Variants in NFKB1 observed in about 807,000 individuals in gnomAD.
NFKB1 encodes the protein nuclear factor kappa B subunit 1, also known as nuclear factor NF-kappa-B p105 subunit.
A neutral mutation model predicts 105.1 loss-of-function variants in NFKB1; 9 were observed. That is an observed-to-expected ratio of 0.09 (90% CI 0.05 to 0.15). The LOEUF is 0.15. Among genes scored for constraint, NFKB1 ranks in the 10% least tolerant of loss-of-function variants. The pLI is 1.00. For synonymous variants in NFKB1, 440 were observed against 442.2 expected, an observed-to-expected ratio of 1.00 and a Z score of 0.06; for missense variants, 830 against 1,203.7, an observed-to-expected ratio of 0.69 and a Z score of 4.59.
chr4:102,590,878 T>G (rs1299912862), intron 11 of NFKB1, among the ~76,000 whole-genome samples: 1 of 152,248 alleles, frequency 6.6e-6, no homozygotes, highest in Non-Finnish European at 1.5e-5. Context: ...AGCCCAAAGC[T>G]AGGCCTCTTG....
chr4:102,580,500 A>G (rs1335746761), intron 8 of NFKB1, 35 bp from the exon 9 acceptor site: 8 of 1,570,368 alleles, frequency 5.1e-6, no homozygotes, highest in Non-Finnish European at 6.1e-6. Context: ...GCTGAGGATT[A>G]ATCATGTTAT....
rs996370864 is a variant in NFKB1 at position 102,616,775 on chromosome 4, G to C, written c.*181G>C. The C allele has an allele frequency of 4.8e-6, 3 of 624,276 alleles. No homozygotes were observed. Among genetic ancestry groups the C allele is most frequent in the Non-Finnish European group, 8.0e-6 (3 of 373,012 alleles). 38.7% of individuals were successfully genotyped at this position (624,276 alleles called of 1,614,324 possible). A position where few individuals can be genotyped will look rare whatever the true frequency, so the allele number is the denominator to read the frequency against. ...TTTCTTGGTTCATAAATGAATTTTA[G>C]TTTGGTTCACTTACAGATAGTATCT... On this transcript the variant is annotated 3_prime_UTR_variant, in exon 24 of 24. Transcript: ENST00000226574.
intron 5 of NFKB1, among the ~76,000 whole-genome samples, chr4:102,565,326 G>T (rs1215341294): frequency 6.6e-6 from 1 of 152,088 alleles, no homozygotes; most frequent in African/African-American, 2.4e-5. Flanking sequence ...ATGCATACAG[G>T]CCTTGAGGTG....
At chr4:102,525,228 G>GC (rs1486798310) in intron 1 of NFKB1, among the ~76,000 whole-genome samples, 6 of 151,170 alleles carry the variant, frequency 4.0e-5, no homozygotes, top group Non-Finnish European at 8.9e-5. Flanking sequence ...TTTATACAAA[G>GC]CATAAAGATG....
intron 6 of NFKB1, among the ~76,000 whole-genome samples, chr4:102,569,339 G>C (rs78108185): frequency 0.027 from 4,051 of 152,182 alleles, 166 homozygotes; most frequent in African/African-American, 0.091. Context: ...TTTCACTACA[G>C]AATCTTATCT....
At chr4:102,554,875 G>A (rs1413083720) in intron 5 of NFKB1, among the ~76,000 whole-genome samples, 3 of 152,258 alleles carry the variant, frequency 2.0e-5, no homozygotes, top group South Asian at 4.1e-4. Context: ...TCTCAAGGTC[G>A]AATTCTATTA....
At chr4:102,562,525 G>A (rs890434036) in intron 5 of NFKB1, among the ~76,000 whole-genome samples, 7 of 152,172 alleles carry the variant, frequency 4.6e-5, no homozygotes, top group Admixed American at 4.6e-4. Context: ...GGTTATTAGT[G>A]AGGTATTACC....
In NFKB1 at chr4:102,616,634, A is replaced by G. The variant is rs1728968499; in HGVS notation, c.*40A>G. 6.2e-7 allele frequency: 1 copy of G among 1,600,958 alleles called. No individual in the cohort carries two copies. Among genetic ancestry groups the G allele is most frequent in the Non-Finnish European group, 8.5e-7 (1 of 1,171,818 alleles). The stretch of plus-strand genomic sequence containing the variant: ...CCCACACCGTGTAAACCAAAGCCCT[A>G]AAATTCCACTGCGTTGTCCACAAGA... On this transcript the variant is annotated 3_prime_UTR_variant, in exon 24 of 24. Transcript: ENST00000226574.
chr4:102,537,915 G>T lies in NFKB1; in HGVS notation c.217G>T (p.Ala73Ser), dbSNP rs2149127937. 3 of 1,612,602 alleles carry T rather than the reference G, an allele frequency of 1.9e-6. No individual in the cohort carries two copies. Among genetic ancestry groups the T allele is most frequent in the Non-Finnish European group, 2.5e-6 (3 of 1,178,844 alleles). Residue 73 changes from alanine (A) to serine (S), a missense_variant, in exon 5 of 24, where the codon GCC (alanine) becomes TCC (serine). Physicochemically the swap from Ala to Ser is moderately conservative, Grantham distance 99. Transcript: ENST00000226574. Reference sequence around the variant, plus strand: ...CCCATCCCATGGTGGACTACCTGGTGCCTCTAGTGAAAAGAACAAGAAGTC... The same window carrying T: ...CCCATCCCATGGTGGACTACCTGGTTCCTCTAGTGAAAAGAACAAGAAGTC... ...EGPSHGGLPGASSEKNKKSYP... is the reference protein window; with the variant it reads ...EGPSHGGLPGSSSEKNKKSYP...
At position 102,607,268 on chromosome 4, in the gene NFKB1, C is replaced by T. The variant is rs755344194; in HGVS notation, c.2073C>T (p.His691=). 5.0e-6 allele frequency: 8 copies of T among 1,614,214 alleles called. No homozygotes were observed. Among genetic ancestry groups the T allele is most frequent in the African/African-American group, 1.3e-5 (1 of 75,050 alleles). ...AGAAGTCCGGGCGCACAGCACTGCACCTGGCTGTGGAGCACGACAACATCT... is the reference window on the plus strand; with the variant it reads ...AGAAGTCCGGGCGCACAGCACTGCATCTGGCTGTGGAGCACGACAACATCT... ...QEQKSGRTAL[H]LAVEHDNISL... The change falls in exon 18 of 24, where the codon CAC becomes CAT. Residue 691 remains histidine (H), a synonymous_variant. Coordinates refer to ENST00000226574, the MANE Select transcript of NFKB1 (RefSeq NM_003998.4).
chr4:102,505,508 G>A (rs183674672), intron 1 of NFKB1, among the ~76,000 whole-genome samples: 7 of 152,094 alleles, frequency 4.6e-5, no homozygotes, highest in Admixed American at 1.3e-4. Flanking sequence ...ATTACAAATT[G>A]CCTTATTATT....
rs374468747 is a variant in NFKB1 at position 102,607,754 on chromosome 4, A to G, written c.2227+3A>G. On this transcript the variant is annotated splice_donor_region_variant and intron_variant, in intron 19 of 23. Transcript: ENST00000226574. ...GGCAGCTCTTCTCAAAGCAGCAGGT[A>G]AGATGGTGATCTGGCGGTCATTAAT... The G allele has an allele frequency of 3.1e-6, 5 of 1,613,594 alleles. No individual in the cohort carries two copies. The highest frequency in any genetic ancestry group is 4.2e-6 in the Non-Finnish European group (5 of 1,179,480).
intron 7 of NFKB1, 134 bp from the exon 8 acceptor site, chr4:102,578,747 G>A: frequency 1.2e-6 from 1 of 822,290 alleles, no homozygotes; most frequent in Non-Finnish European, 1.8e-6. Flanking sequence ...CACTTTATTA[G>A]CAATATGAAG....
intron 11 of NFKB1, among the ~76,000 whole-genome samples, chr4:102,587,555 G>A (rs538998175): frequency 2.6e-5 from 4 of 151,884 alleles, no homozygotes; most frequent in African/African-American, 9.7e-5. Flanking sequence ...TTAATGCCTC[G>A]TTATCATAGT....
chr4:102,612,195 C>A, intron 21 of NFKB1, 85 bp downstream of exon 21: 2 of 1,292,756 alleles, frequency 1.5e-6, no homozygotes, highest in Non-Finnish European at 2.2e-6. Flanking sequence ...TATCCAGGGT[C>A]TACTGTTAAA....
chr4:102,504,682 C>G (rs766307169), intron 1 of NFKB1, among the ~76,000 whole-genome samples: 1 of 152,130 alleles, frequency 6.6e-6, no homozygotes, highest in Non-Finnish European at 1.5e-5. Flanking sequence ...ACTCTTGCAC[C>G]TCCCATAAAT....
At chr4:102,582,536 A>G (rs1403789835) in intron 9 of NFKB1, among the ~76,000 whole-genome samples, 1 of 152,204 alleles carries the variant, frequency 6.6e-6, no homozygotes, top group Non-Finnish European at 1.5e-5. Context: ...GCCTCGTTGG[A>G]TTCTAATATT....
intron 22 of NFKB1, 64 bp downstream of exon 22, chr4:102,612,670 C>T: frequency 6.9e-7 from 1 of 1,439,910 alleles, no homozygotes; most frequent in Non-Finnish European, 9.6e-7. Flanking sequence ...CATCTCTGGC[C>T]AGGGCATAAT....
intron 22 of NFKB1, among the ~76,000 whole-genome samples, chr4:102,613,007 T>C (rs949558019): frequency 7.0e-6 from 1 of 142,724 alleles, no homozygotes; most frequent in Non-Finnish European, 1.5e-5. Context: ...TACCCGGGGA[T>C]TTTTTTTTTT....
Sources: allele counts gnomAD v4.1 joint callset (sites outside exome capture counted in the v4.1 genomes callset), GRCh38; gene constraint gnomAD v4.1.1; transcripts MANE v1.5; gene names NCBI Gene and HGNC (gene_info 2026-07-23, HGNC 2026-07-21).